The following AHCTF1 variants were observed in gnomAD, a reference collection of about 807,000 sequenced individuals.
AHCTF1 encodes protein ELYS.
AHCTF1 carries 24 observed loss-of-function variants against 248.4 expected under a neutral mutation model. The observed-to-expected ratio is 0.10, with a 90% confidence interval of 0.07 to 0.14. The LOEUF is 0.14. Ranked by LOEUF, AHCTF1 falls within the 10% of genes least tolerant of loss-of-function variation. The pLI is 1.00. For synonymous variants in AHCTF1, 786 were observed against 929.8 expected (o/e 0.85, Z 2.81); for missense variants, 2,206 against 2,636.2 (o/e 0.84, Z 3.57).
At chr1:246,910,851 G>A (rs1304746115) in intron 4 of AHCTF1, among the ~76,000 whole-genome samples, 1 of 152,156 alleles carries the variant, frequency 6.6e-6, no homozygotes, top group East Asian at 1.9e-4. Flanking sequence ...CAAAAGAAAT[G>A]GGTAAGCCCT....
At chr1:246,865,795 T>C (rs565784723) in intron 26 of AHCTF1, among the ~76,000 whole-genome samples, 5 of 152,272 alleles carry the variant, frequency 3.3e-5, no homozygotes, top group African/African-American at 9.6e-5. Flanking sequence ...CTAAATGAAA[T>C]GTTAAATATT....
chr1:246,914,576 A>C (rs1447788287), intron 3 of AHCTF1, among the ~76,000 whole-genome samples: 3 of 152,190 alleles, frequency 2.0e-5, no homozygotes, highest in African/African-American at 7.2e-5. Context: ...CTCAGTGAGG[A>C]GTAGCGAATC....
Position 246,850,394 on chromosome 1 carries a change from G to A in AHCTF1, c.5612C>T (p.Thr1871Ile). 6.2e-7 allele frequency: 1 copy of A among 1,607,986 alleles called. No individual in the cohort carries two copies. Among genetic ancestry groups the A allele is most frequent in the South Asian group, 1.1e-5 (1 of 89,938 alleles). Residue 1871 changes from threonine (T) to isoleucine (I), a missense_variant, in exon 33 of 36, where the codon ACT becomes ATT. Thr to Ile is a moderately conservative substitution (Grantham distance 89). Coordinates refer to ENST00000648844, the MANE Select transcript of AHCTF1 (RefSeq NM_001323342.2). ...EVKVSSVTKR[T>I]PRRIKRSVEN... ...TACAGATCTTTTAATTCTTCTAGGAGTCCTTTTTGTAACAGATGAAACCTT... is the reference window on the plus strand; with the variant it reads ...TACAGATCTTTTAATTCTTCTAGGAATCCTTTTTGTAACAGATGAAACCTT...
intron 21 of AHCTF1, among the ~76,000 whole-genome samples, chr1:246,883,141 A>C (rs1272315852): frequency 6.6e-6 from 1 of 152,246 alleles, no homozygotes; most frequent in Non-Finnish European, 1.5e-5. Flanking sequence ...CTGTACAGCC[A>C]GAAGGGTGAG....
chr1:246,899,755 A>T (rs1021039406), intron 10 of AHCTF1, among the ~76,000 whole-genome samples: 2 of 151,974 alleles, frequency 1.3e-5, no homozygotes, highest in Admixed American at 6.6e-5. Context: ...GAAACACAGC[A>T]AAAAAAATAA....
intron 20 of AHCTF1, among the ~76,000 whole-genome samples, chr1:246,886,948 A>T (rs1663859350): frequency 6.6e-6 from 1 of 152,178 alleles, no homozygotes; most frequent in South Asian, 2.1e-4. Flanking sequence ...TCTCTCTAAT[A>T]TTAACGATCA....
chr1:246,917,535 T>C (rs566990494), intron 2 of AHCTF1, among the ~76,000 whole-genome samples: 33 of 152,328 alleles, frequency 2.2e-4, no homozygotes, highest in Admixed American at 1.6e-3. Context: ...TTACACAGAA[T>C]AGTGGCTACT....
At chr1:246,873,095 G>A (rs1380401689) in intron 24 of AHCTF1, among the ~76,000 whole-genome samples, 1 of 152,100 alleles carries the variant, frequency 6.6e-6, no homozygotes, top group Non-Finnish European at 1.5e-5. Flanking sequence ...TACTAGGTTC[G>A]ACTTATTCCT....
intron 1 of AHCTF1, among the ~76,000 whole-genome samples, chr1:246,924,212 T>A (rs577101372): frequency 6.6e-6 from 1 of 152,170 alleles, no homozygotes; most frequent in African/African-American, 2.4e-5. Flanking sequence ...TTTAAAAAAT[T>A]TATAAAGAAA....
At chr1:246,904,983 T>G (rs527417305) in intron 6 of AHCTF1, among the ~76,000 whole-genome samples, 23 of 152,288 alleles carry the variant, frequency 1.5e-4, no homozygotes, top group Non-Finnish European at 4.4e-5. Context: ...GCAGGGTACT[T>G]AGAAGGTTCC....
At chr1:246,851,528 C>G (rs1175227116) in intron 32 of AHCTF1, 86 bp from the exon 33 acceptor site, 5 of 1,216,368 alleles carry the variant, frequency 4.1e-6, no homozygotes, top group Non-Finnish European at 4.5e-6. Flanking sequence ...TGACCCTTGG[C>G]TGTGTGCCTT....
chr1:246,895,958 G>C (rs749968334), intron 12 of AHCTF1, 33 bp from the exon 13 acceptor site: 1 of 1,564,332 alleles, frequency 6.4e-7, no homozygotes, highest in East Asian at 2.2e-5. Context: ...GAAAGAAATG[G>C]AAAGAAAGAG....
At chr1:246,929,523 A>C (rs568363176) in intron 1 of AHCTF1, among the ~76,000 whole-genome samples, 1 of 152,258 alleles carries the variant, frequency 6.6e-6, no homozygotes, top group African/African-American at 2.4e-5. Flanking sequence ...GGACATGAGC[A>C]AAGAAACATC....
intron 31 of AHCTF1, among the ~76,000 whole-genome samples, chr1:246,853,801 C>T (rs1023586152): frequency 2.0e-5 from 3 of 149,258 alleles, no homozygotes; most frequent in African/African-American, 7.7e-5. Flanking sequence ...TAAAAAAGCA[C>T]AAAAATAAAA....
chr1:246,877,659 G>A (rs777416743), intron 21 of AHCTF1, among the ~76,000 whole-genome samples: 2 of 152,162 alleles, frequency 1.3e-5, no homozygotes, highest in Admixed American at 1.3e-4. Flanking sequence ...AGTGGGAAGC[G>A]TGCGAAAGAC....
intron 1 of AHCTF1, among the ~76,000 whole-genome samples, chr1:246,930,676 G>A (rs1036392213): frequency 3.3e-5 from 5 of 152,004 alleles, no homozygotes; most frequent in South Asian, 4.2e-4. Flanking sequence ...GCCTCTCAAA[G>A]TGCTGGGATT....
chr1:246,920,539 A>C (rs1382656118), intron 1 of AHCTF1, among the ~76,000 whole-genome samples: 1 of 152,116 alleles, frequency 6.6e-6, no homozygotes, highest in Non-Finnish European at 1.5e-5. Context: ...TGGGAGGCTG[A>C]GGCGGCGAAT....
Position 246,869,067 on chromosome 1 carries a change from A to G in AHCTF1, c.3089-1256T>C, listed in dbSNP as rs563463291. On this transcript the variant is annotated intron_variant, in intron 24 of 35. Coordinates refer to ENST00000648844, the MANE Select transcript of AHCTF1 (RefSeq NM_001323342.2). ...CACCATGTTGGCCAGGATGGTCTCG[A>G]TCTCCTGACCTCGTGATCCGCCCGC... 4.8e-4 allele frequency among the ~76,000 whole-genome samples: 73 copies of G among 151,110 alleles called. 2 individuals carry two copies. The highest frequency in any genetic ancestry group is 1.6e-3 in the African/African-American group (64 of 40,942).
At chr1:246,886,349 TA>T (rs1206895663) in intron 20 of AHCTF1, among the ~76,000 whole-genome samples, 2 of 151,548 alleles carry the variant, frequency 1.3e-5, no homozygotes, top group Non-Finnish European at 2.9e-5. Flanking sequence ...TAAATAAAAA[TA>T]AAAAATAACA....
Sources: allele counts gnomAD v4.1 joint callset (sites outside exome capture counted in the v4.1 genomes callset), GRCh38; gene constraint gnomAD v4.1.1; transcripts MANE v1.5; gene names NCBI Gene and HGNC (gene_info 2026-07-23, HGNC 2026-07-21).